Variants in NTRK1 observed in about 807,000 individuals in gnomAD.
NTRK1 encodes neurotrophic receptor tyrosine kinase 1, also known as high affinity nerve growth factor receptor.
NTRK1 carries 62 observed loss-of-function variants against 86.8 expected under a neutral mutation model. The ratio of observed to expected loss-of-function variants is 0.71; its 90% CI spans 0.58 to 0.88. The LOEUF is 0.88. Among genes scored for constraint, NTRK1 ranks in the 40% least tolerant of loss-of-function variants. NTRK1 has a pLI of 0.00. For synonymous variants in NTRK1, 469 were observed against 456.6 expected (o/e 1.03, Z -0.35); for missense variants, 967 against 1,078.4 (o/e 0.90, Z 1.45).
intron 1 of NTRK1, among the ~76,000 whole-genome samples, chr1:156,824,746 G>C (rs1558074978): frequency 6.6e-6 from 1 of 152,178 alleles, no homozygotes; most frequent in African/African-American, 2.4e-5. Context: ...TGGAACCCTA[G>C]GGTGTGTGCT....
Position 156,873,677 on chromosome 1 carries a change from T to G in NTRK1, c.895T>G (p.Trp299Gly). The G allele has an allele frequency of 6.2e-7, 1 of 1,607,260 alleles. No individual in the cohort carries two copies. The highest frequency in any genetic ancestry group is 8.5e-7 in the Non-Finnish European group (1 of 1,177,392). Residue 299 changes from tryptophan (W) to glycine (G), a missense_variant, in exon 8 of 17, where the codon TGG becomes GGG. Physicochemically the swap from Trp to Gly is radical, Grantham distance 184. Around this residue, in one of 2 missense-constraint regions of NTRK1, gnomAD observed 637 missense variants for 776.5 expected, o/e 0.82. Transcript: ENST00000524377. ...QLHTAVEMHH[W>G]CIPFSVDGQP... Reference sequence around the variant, plus strand: ...GCACACGGCGGTGGAGATGCACCACTGGTGCATCCCCTTCTCTGTGGATGG... The same window carrying G: ...GCACACGGCGGTGGAGATGCACCACGGGTGCATCCCCTTCTCTGTGGATGG...
In NTRK1 at chr1:156,875,703, G is replaced by C. The variant is rs772755014; in HGVS notation, c.1501+37G>C. On this transcript the variant is annotated intron_variant, in intron 12 of 16. Coordinates refer to ENST00000524377, the MANE Select transcript of NTRK1 (RefSeq NM_002529.4). ...TGCTGGGTCAAGGGCAGGGACGAGT[G>C]TGTGTGTGTGTGTGTGTGTGTGTGT... 1.9e-5 allele frequency: 23 copies of C among 1,190,148 alleles called. No individual in the cohort carries two copies. In the East Asian group the frequency reaches 1.1e-3, roughly 59 times the overall value. The allele number at this position is 1,190,148 out of a possible 1,614,324, so 73.7% of individuals were successfully genotyped here. A position where few individuals can be genotyped will look rare whatever the true frequency, so the allele number is the denominator to read the frequency against.
chr1:156,845,395 C>T, intron 2 of NTRK1: 1 of 1,564,032 alleles, frequency 6.4e-7, no homozygotes. Flanking sequence ...TGTTGATGGA[C>T]GTCACCTTCC....
At chr1:156,881,229 A>G (rs1648236339) in intron 16 of NTRK1, among the ~76,000 whole-genome samples, 1 of 152,102 alleles carries the variant, frequency 6.6e-6, no homozygotes, top group Non-Finnish European at 1.5e-5. Flanking sequence ...AAGCAATCCT[A>G]CCCCAGCCCA....
At position 156,860,886 on chromosome 1, in the gene NTRK1, G is replaced by C. The variant is rs1655606241; in HGVS notation, c.-49G>C. On this transcript the variant is annotated 5_prime_UTR_variant, in exon 1 of 17. Coordinates refer to ENST00000524377, the MANE Select transcript of NTRK1 (RefSeq NM_002529.4). ...CGGGGGAGGCCTGGCAGCTGCAGCT[G>C]GGAGCGCACAGACGGCTGCCCCGCC... 7.1e-7 allele frequency: 1 copy of C among 1,399,514 alleles called. No individual in the cohort carries two copies. The highest frequency in any genetic ancestry group is 1.5e-5 in the African/African-American group (1 of 65,726). The allele number at this position is 1,399,514 out of a possible 1,614,324, so 86.7% of individuals were successfully genotyped here.
chr1:156,867,729 CACAAT>C (rs1435639345), intron 4 of NTRK1, among the ~76,000 whole-genome samples: 3 of 151,248 alleles, frequency 2.0e-5, no homozygotes, highest in African/African-American at 7.3e-5. Context: ...AGTGCAGTGG[CACAAT>C]CTCATCTCGG....
intron 1 of NTRK1, chr1:156,840,698 A>G: frequency 1.6e-6 from 1 of 622,320 alleles, no homozygotes; most frequent in East Asian, 2.7e-5. Context: ...AGAAACTCCT[A>G]TGGTGAGACC....
At chr1:156,867,897 T>A (rs972330186) in intron 4 of NTRK1, among the ~76,000 whole-genome samples, 14 of 147,554 alleles carry the variant, frequency 9.5e-5, no homozygotes, top group Admixed American at 9.4e-4. Flanking sequence ...ATGGTCTCGA[T>A]CTTCTGACCT....
intron 3 of NTRK1, among the ~76,000 whole-genome samples, chr1:156,866,279 G>A (rs1655923616): frequency 6.6e-6 from 1 of 152,256 alleles, no homozygotes; most frequent in Admixed American, 6.5e-5. Context: ...ACAGGGCACA[G>A]GGCACTGGGG....
chr1:156,876,075 C>G lies in NTRK1; in HGVS notation c.1502-5C>G, dbSNP rs767232252. ...GCTACCGTCTGACCCTGCAAGCCCC[C>G]TCAGGTGTTCACCACATCAAGCGCC... is the stretch of plus-strand genomic sequence containing the variant. On this transcript the variant is annotated splice_polypyrimidine_tract_variant and splice_region_variant and intron_variant, in intron 12 of 16. Transcript: ENST00000524377. 9 of 1,614,220 alleles carry G rather than the reference C, an allele frequency of 5.6e-6. No homozygotes were observed. In the East Asian group the frequency reaches 1.1e-4, roughly 20 times the overall value.
intron 2 of NTRK1, among the ~76,000 whole-genome samples, chr1:156,849,954 G>A (rs1655144509): frequency 6.6e-6 from 1 of 151,712 alleles, no homozygotes; most frequent in Admixed American, 6.6e-5. Context: ...CCAGGCCAGA[G>A]TGCAGTGGCA....
At chr1:156,818,303 A>G (rs1654079216) in intron 1 of NTRK1, among the ~76,000 whole-genome samples, 1 of 152,222 alleles carries the variant, frequency 6.6e-6, no homozygotes, top group African/African-American at 2.4e-5. Context: ...TTTTTAAAAA[A>G]TTGTGTACTG....
intron 1 of NTRK1, among the ~76,000 whole-genome samples, chr1:156,816,489 T>C (rs2102825051): frequency 6.6e-6 from 1 of 152,336 alleles, no homozygotes. Context: ...GTCACCTTTA[T>C]CCTCAGGGAT....
At chr1:156,841,753 G>C (rs773196691) in intron 1 of NTRK1, 1 of 1,614,002 alleles carries the variant, frequency 6.2e-7, no homozygotes, top group African/African-American at 1.3e-5. Flanking sequence ...CCACCCTTGC[G>C]GTAATAGTCT....
At chr1:156,871,123 CGAGCTGTGTACAAA>C (rs1558102345) in intron 6 of NTRK1, among the ~76,000 whole-genome samples, 2 of 152,194 alleles carry the variant, frequency 1.3e-5, no homozygotes, top group Admixed American at 1.3e-4. Context: ...GGGTCTCCAA[CGAGCTGTGTACAAA>C]TTTGGTACTT....
chr1:156,868,060 C>T (rs529143637), intron 4 of NTRK1, 44 bp from the exon 5 acceptor site: 6 of 1,611,790 alleles, frequency 3.7e-6, no homozygotes, highest in South Asian at 1.1e-5. Context: ...TGTGATCCCT[C>T]AGGCCCTTTC....
chr1:156,872,628 C>G (rs1199959449), intron 7 of NTRK1, among the ~76,000 whole-genome samples: 1 of 150,762 alleles, frequency 6.6e-6, no homozygotes, highest in Non-Finnish European at 1.5e-5. Flanking sequence ...CATACATACA[C>G]TTTTTTTCTA....
rs775754069 is a variant in NTRK1, at chr1:156,841,770, T to C, written c.-63-311T>C. Reference sequence around the variant, plus strand: ...ACCCTTGCGGTAATAGTCTGTCTCATACACGTCCCGAGTCATCCCGAAGTC... The same window carrying C: ...ACCCTTGCGGTAATAGTCTGTCTCACACACGTCCCGAGTCATCCCGAAGTC... On this transcript the variant is annotated intron_variant, in intron 1 of 16. Transcript: ENST00000392302. The C allele has an allele frequency of 8.1e-6, 13 of 1,613,970 alleles. No individual in the cohort carries two copies. In the Admixed American group the frequency reaches 2.0e-4, roughly 25 times the overall value.
chr1:156,874,796 C>A (rs2102911314), intron 10 of NTRK1, 110 bp from the exon 11 acceptor site: 2 of 1,171,378 alleles, frequency 1.7e-6, no homozygotes, highest in Non-Finnish European at 1.3e-6. Context: ...TGAGGCAGGT[C>A]TGGAGACCTG....
Sources: allele counts gnomAD v4.1 joint callset (sites outside exome capture counted in the v4.1 genomes callset), GRCh38; gene constraint gnomAD v4.1.1; regional missense constraint gnomAD v4.1.1; transcripts MANE v1.5; gene names NCBI Gene and HGNC (gene_info 2026-07-23, HGNC 2026-07-21).